EGFLAM: variants seen among roughly 807,000 people sequenced by gnomAD.
The protein encoded by EGFLAM is EGF like, fibronectin type III and laminin G domains.
A neutral mutation model predicts 113.1 loss-of-function variants in EGFLAM; 79 were observed. That is an observed-to-expected ratio of 0.70 (90% CI 0.58 to 0.84). EGFLAM has a LOEUF of 0.84. Ranked by LOEUF, EGFLAM falls within the 40% of genes least tolerant of loss-of-function variation. The pLI, the probability that EGFLAM is intolerant of heterozygous loss-of-function variation, is 0.00. For missense variants in EGFLAM, 1,265 were observed against 1,291.6 expected, an observed-to-expected ratio of 0.98 and a Z score of 0.32; for synonymous variants, 504 against 487.6, an observed-to-expected ratio of 1.03 and a Z score of -0.44.
At chr5:38,335,491 C>G (rs767088929) in intron 1 of EGFLAM, among the ~76,000 whole-genome samples, 1 of 152,134 alleles carries the variant, frequency 6.6e-6, no homozygotes, top group Non-Finnish European at 1.5e-5. Context: ...TCCCAGAACT[C>G]GTCTCATCCT....
rs189520157 is a variant in EGFLAM, at chr5:38,317,001, G to T, written c.98-20519G>T. ...GTCTGCTTGCTTCCGGCAATGTTCC[G>T]GTGTCCATTCTATCACGTGATCCTG... On this transcript the variant is annotated intron_variant, in intron 1 of 21. Transcript: ENST00000322350. Among the ~76,000 whole-genome samples, 7 of 152,190 alleles carry T rather than the reference G, an allele frequency of 4.6e-5. No homozygotes were observed. In the South Asian group the frequency reaches 1.5e-3, roughly 32 times the overall value.
intron 1 of EGFLAM, among the ~76,000 whole-genome samples, chr5:38,336,568 C>T (rs1025016188): frequency 1.1e-4 from 16 of 145,974 alleles, no homozygotes; most frequent in Non-Finnish European, 1.6e-4. Context: ...AGTGAGACTC[C>T]GTACACACAC....
chr5:38,299,599 C>T (rs1038963143), intron 1 of EGFLAM, among the ~76,000 whole-genome samples: 1 of 151,998 alleles, frequency 6.6e-6, no homozygotes, highest in Non-Finnish European at 1.5e-5. Context: ...CATCTCTGGG[C>T]CTTTAAATCA....
intron 3 of EGFLAM, among the ~76,000 whole-genome samples, chr5:38,343,578 T>A (rs979245329): frequency 1.3e-5 from 2 of 152,164 alleles, no homozygotes; most frequent in African/African-American, 2.4e-5. Context: ...AAGCCAATGC[T>A]GCCCCTGTAA....
intron 1 of EGFLAM, among the ~76,000 whole-genome samples, chr5:38,324,490 TCAAA>T (rs1234199137): frequency 6.6e-6 from 1 of 152,104 alleles, no homozygotes; most frequent in African/African-American, 2.4e-5. Context: ...CAAGGACACT[TCAAA>T]CAAATACACA....
chr5:38,435,262 A>G lies in EGFLAM; in HGVS notation c.2283+9A>G. ...GCGGGAGCATCCAGAAGGTACAGGC[A>G]TCTCTTCCTCATGTTTACTGGGCCA... On this transcript the variant is annotated intron_variant, in intron 16 of 21. Coordinates refer to ENST00000322350, the MANE Select transcript of EGFLAM (RefSeq NM_152403.4). 1 of 1,605,612 alleles carries G rather than the reference A, an allele frequency of 6.2e-7. No individual in the cohort carries two copies. The highest frequency in any genetic ancestry group is 8.5e-7 in the Non-Finnish European group (1 of 1,172,296).
chr5:38,399,904 C>T lies in EGFLAM; in HGVS notation c.713-6222C>T, dbSNP rs950083299. On this transcript the variant is annotated intron_variant, in intron 6 of 21. Transcript: ENST00000322350. ...CTACAATCCCAAAGCATGTGACTTC[C>T]ATGCTGGACTAACTTCTGTTTGCTT... The T allele has an allele frequency of 9.2e-5, 14 of 152,332 alleles. 1 individual carries two copies. The highest frequency in any genetic ancestry group is 3.4e-4 in the African/African-American group (14 of 41,570). 9.4% of individuals were successfully genotyped at this position (152,332 alleles called of 1,614,324 possible). A position where few individuals can be genotyped will look rare whatever the true frequency, so the allele number is the denominator to read the frequency against.
intron 1 of EGFLAM, among the ~76,000 whole-genome samples, chr5:38,298,423 C>T (rs1758498534): frequency 6.6e-6 from 1 of 152,130 alleles, no homozygotes; most frequent in Non-Finnish European, 1.5e-5. Context: ...CAAATAGCTC[C>T]CTCACTCAGT....
At position 38,464,173 on chromosome 5, in the gene EGFLAM, C is replaced by A; in HGVS notation, c.*187C>A. 1 of 691,264 alleles carries A rather than the reference C, an allele frequency of 1.4e-6. No homozygotes were observed. Among genetic ancestry groups the A allele is most frequent in the Non-Finnish European group, 2.3e-6 (1 of 426,190 alleles). The allele number at this position is 691,264 out of a possible 1,614,324, so 42.8% of individuals were successfully genotyped here. A position where few individuals can be genotyped will look rare whatever the true frequency, so the allele number is the denominator to read the frequency against. ...ATCCCTGGGTGGCCTTTCCTGCTGA[C>A]ACTCCACGAGCTGACCCAGCAGAAT... On this transcript the variant is annotated 3_prime_UTR_variant, in exon 22 of 22. Coordinates refer to ENST00000322350, the MANE Select transcript of EGFLAM (RefSeq NM_152403.4).
chr5:38,436,972 T>C (rs913607109), intron 16 of EGFLAM, among the ~76,000 whole-genome samples: 1 of 152,212 alleles, frequency 6.6e-6, no homozygotes, highest in Non-Finnish European at 1.5e-5. Flanking sequence ...ATTGCTAACC[T>C]CTTATAACCC....
chr5:38,398,924 T>C (rs1741031750), intron 6 of EGFLAM, among the ~76,000 whole-genome samples: 1 of 150,702 alleles, frequency 6.6e-6, no homozygotes, highest in Non-Finnish European at 1.5e-5. Context: ...TAGCACTTTT[T>C]TTGGCCCACT....
rs1201426163 is a variant in EGFLAM, at chr5:38,315,388, T to C, written c.98-22132T>C. On this transcript the variant is annotated intron_variant, in intron 1 of 21. Transcript: ENST00000322350. ...TCCTTATTGATATCATAAGTCCTGA[T>C]AGGCACCATCCATGTTATGAAACTT... Among the ~76,000 whole-genome samples, 3 of 152,226 alleles carry C rather than the reference T, an allele frequency of 2.0e-5. No homozygotes were observed. In the East Asian group the frequency reaches 5.8e-4, roughly 29 times the overall value.
At position 38,406,168 on chromosome 5, in the gene EGFLAM, T is replaced by A. The variant is rs759108599; in HGVS notation, c.755T>A (p.Ile252Asn). The A allele has an allele frequency of 1.9e-6, 3 of 1,614,046 alleles. No individual in the cohort carries two copies. The highest frequency in any genetic ancestry group is 2.5e-6 in the Non-Finnish European group (3 of 1,180,034). Reference sequence around the variant, plus strand: ...AGTGGCCGCTATGGACCCCGTTATATCACCGACATGGGAGCTGGTGAGGAT... The same window carrying A: ...AGTGGCCGCTATGGACCCCGTTATAACACCGACATGGGAGCTGGTGAGGAT... Reference protein sequence around the residue: ...AGSGRYGPRYITDMGAGEDDE... With the variant: ...AGSGRYGPRYNTDMGAGEDDE... The change falls in exon 7 of 22, where the codon ATC becomes AAC. Residue 252 changes from isoleucine (I) to asparagine (N), a missense_variant. Coordinates refer to ENST00000322350, the MANE Select transcript of EGFLAM (RefSeq NM_152403.4).
At chr5:38,392,156 T>C (rs1740830564) in intron 6 of EGFLAM, among the ~76,000 whole-genome samples, 1 of 152,204 alleles carries the variant, frequency 6.6e-6, no homozygotes, top group African/African-American at 2.4e-5. Context: ...TTCTTCTTCG[T>C]GTTCATAAGT....
At chr5:38,404,739 G>C (rs1741224911) in intron 6 of EGFLAM, among the ~76,000 whole-genome samples, 1 of 152,192 alleles carries the variant, frequency 6.6e-6, no homozygotes, top group African/African-American at 2.4e-5. Flanking sequence ...TGCCAAAGTT[G>C]TTACTGCCCT....
intron 6 of EGFLAM, among the ~76,000 whole-genome samples, chr5:38,394,711 C>CTTTTTTTTTTT (rs11451294): frequency 5.8e-5 from 7 of 121,698 alleles, no homozygotes; most frequent in African/African-American, 2.0e-4. Context: ...GCCGGGCCCA[C>CTTTTTTTTTTT]TTTTTTTTTT....
chr5:38,368,214 C>T (rs540044353), intron 5 of EGFLAM, among the ~76,000 whole-genome samples: 11 of 152,298 alleles, frequency 7.2e-5, no homozygotes, highest in East Asian at 3.9e-4. Flanking sequence ...TTTTCCTCTG[C>T]GAAGTGATTT....
At chr5:38,350,712 C>A in intron 4 of EGFLAM, 94 bp downstream of exon 4, 1 of 1,211,758 alleles carries the variant, frequency 8.3e-7, no homozygotes. Flanking sequence ...ATGTGCCAAG[C>A]ACTGTGCTAG....
chr5:38,273,399 A>G (rs1757813654), intron 1 of EGFLAM, among the ~76,000 whole-genome samples: 1 of 152,228 alleles, frequency 6.6e-6, no homozygotes, highest in Non-Finnish European at 1.5e-5. Context: ...CTGCTGGCCA[A>G]CTACAGAGGC....
Sources: allele counts gnomAD v4.1 joint callset (sites outside exome capture counted in the v4.1 genomes callset), GRCh38; gene constraint gnomAD v4.1.1; transcripts MANE v1.5; gene names NCBI Gene and HGNC (gene_info 2026-07-23, HGNC 2026-07-21).